The following RNF144A variants were observed in gnomAD, a reference collection of about 807,000 sequenced individuals.
RNF144A encodes the protein E3 ubiquitin-protein ligase RNF144A.
A neutral mutation model predicts 38.7 loss-of-function variants in RNF144A; 11 were observed. The ratio of observed to expected loss-of-function variants is 0.28; its 90% CI spans 0.18 to 0.47. The LOEUF is 0.47. Ranked by LOEUF, RNF144A falls within the 20% of genes least tolerant of loss-of-function variation. RNF144A has a pLI of 0.99. For missense variants in RNF144A, 316 were observed against 377.2 expected, an observed-to-expected ratio of 0.84 and a Z score of 1.34; for synonymous variants, 149 against 143.9, an observed-to-expected ratio of 1.04 and a Z score of -0.25.
chr2:6,999,242 C>T (rs1033993798), intron 3 of RNF144A, among the ~76,000 whole-genome samples: 1 of 152,224 alleles, frequency 6.6e-6, no homozygotes, highest in African/African-American at 2.4e-5. Context: ...AACAGTTCCA[C>T]CTCTGTCCGT....
chr2:7,038,777 G>C (rs990101801), intron 8 of RNF144A, among the ~76,000 whole-genome samples: 1 of 152,152 alleles, frequency 6.6e-6, no homozygotes, highest in Non-Finnish European at 1.5e-5. Flanking sequence ...ATGATGGTTA[G>C]ATGGATAGAT....
chr2:6,950,412 C>T (rs1441846871), intron 2 of RNF144A, among the ~76,000 whole-genome samples: 5 of 152,114 alleles, frequency 3.3e-5, no homozygotes, highest in Non-Finnish European at 5.9e-5. Flanking sequence ...ATGTTGGCGT[C>T]GATTTCTTCA....
At chr2:7,024,327 G>A in intron 6 of RNF144A, 42 bp from the exon 7 acceptor site, 1 of 1,541,180 alleles carries the variant, frequency 6.5e-7, no homozygotes. Context: ...GGTCTCCCGT[G>A]GGATCCGTTT....
chr2:6,991,175 C>A (rs1015666589), intron 2 of RNF144A, among the ~76,000 whole-genome samples: 19 of 152,136 alleles, frequency 1.2e-4, no homozygotes, highest in Admixed American at 5.2e-4. Context: ...CATAAGTCTT[C>A]ACATTAGCTG....
At chr2:6,952,613 A>G (rs1302884374) in intron 2 of RNF144A, among the ~76,000 whole-genome samples, 2 of 150,196 alleles carry the variant, frequency 1.3e-5, no homozygotes, top group African/African-American at 4.9e-5. Flanking sequence ...TATGTTATAT[A>G]TAAAAAAGTA....
chr2:6,985,714 A>ACC (rs1668912417), intron 2 of RNF144A, among the ~76,000 whole-genome samples: 1 of 152,152 alleles, frequency 6.6e-6, no homozygotes, highest in African/African-American at 2.4e-5. Context: ...GCTCTGTTGC[A>ACC]CAGGCTGGAG....
chr2:6,930,737 G>A (rs945602746), intron 1 of RNF144A, among the ~76,000 whole-genome samples: 1 of 152,044 alleles, frequency 6.6e-6, no homozygotes, highest in Admixed American at 6.6e-5. Flanking sequence ...GACCACAGGT[G>A]TGTGCCACCA....
rs1031525467 is a variant in RNF144A at position 6,941,858 on chromosome 2, C to T, written c.-12+711C>T. On this transcript the variant is annotated intron_variant, in intron 2 of 8. Transcript: ENST00000320892. The surrounding 1 kb of genome is among the most constrained non-coding windows in gnomAD (Gnocchi z 6.5). ...CAGCATACGGACAGCTGGAGGAGCA[C>T]CCAGGCCAGCCTGGCTGGAAGGACT... Among the ~76,000 whole-genome samples, 8 of 152,196 alleles carry T rather than the reference C, an allele frequency of 5.3e-5. No individual in the cohort carries two copies. The highest frequency in any genetic ancestry group is 1.0e-4 in the Non-Finnish European group (7 of 68,042).
chr2:6,997,138 G>A (rs887066126), intron 3 of RNF144A, 77 bp downstream of exon 3: 9 of 1,442,758 alleles, frequency 6.2e-6, no homozygotes, highest in Admixed American at 5.1e-5. Context: ...GAGACACTAG[G>A]CAAACCTTTG....
intron 6 of RNF144A, among the ~76,000 whole-genome samples, chr2:7,065,850 C>T (rs1474393022): frequency 6.6e-6 from 1 of 152,216 alleles, no homozygotes; most frequent in African/African-American, 2.4e-5. Flanking sequence ...TTTAAAAATA[C>T]AGGCTTCTGC....
chr2:7,057,302 C>T (rs1166552955), intron 6 of RNF144A, among the ~76,000 whole-genome samples: 1 of 152,176 alleles, frequency 6.6e-6, no homozygotes, highest in East Asian at 1.9e-4. Context: ...CACCTGGTAC[C>T]TCTTAGAGGC....
At chr2:6,961,092 A>G (rs1456439502) in intron 2 of RNF144A, among the ~76,000 whole-genome samples, 10 of 151,166 alleles carry the variant, frequency 6.6e-5, no homozygotes, top group Admixed American at 6.6e-4. Context: ...TTTTTTCTGT[A>G]TGGCTTTTAG....
intron 8 of RNF144A, among the ~76,000 whole-genome samples, chr2:7,033,387 C>T (rs1320798501): frequency 6.6e-6 from 1 of 152,242 alleles, no homozygotes; most frequent in African/African-American, 2.4e-5. Flanking sequence ...CGCCATCGTG[C>T]CCTGGAGCTG....
chr2:7,010,071 G>T (rs1670693606), intron 3 of RNF144A, among the ~76,000 whole-genome samples: 1 of 152,222 alleles, frequency 6.6e-6, no homozygotes, highest in African/African-American at 2.4e-5. Context: ...TCTACTAGAG[G>T]AGAAACATAA....
intron 2 of RNF144A, among the ~76,000 whole-genome samples, chr2:6,954,674 A>G (rs1336554227): frequency 4.6e-5 from 7 of 152,210 alleles, no homozygotes; most frequent in South Asian, 2.1e-4. Context: ...TAGGTTTTTC[A>G]TGACACTTAT....
chr2:6,956,312 C>T (rs1666994849), intron 2 of RNF144A, among the ~76,000 whole-genome samples: 1 of 152,070 alleles, frequency 6.6e-6, no homozygotes, highest in African/African-American at 2.4e-5. Context: ...TGAGGCTAGT[C>T]ACCTTCGTCT....
chr2:6,947,468 A>G (rs1211056563), intron 2 of RNF144A, among the ~76,000 whole-genome samples: 2 of 152,224 alleles, frequency 1.3e-5, no homozygotes, highest in African/African-American at 2.4e-5. Flanking sequence ...CAATGGTAAT[A>G]TAGGTTCAGA....
chr2:6,948,636 C>G (rs1666488552), intron 2 of RNF144A, among the ~76,000 whole-genome samples: 1 of 152,208 alleles, frequency 6.6e-6, no homozygotes. Flanking sequence ...AGGAGAGACT[C>G]TTAAGAGGTG....
rs1302811357 is a variant in RNF144A, at chr2:7,041,716, G to A, written c.*1956G>A. On this transcript the variant is annotated 3_prime_UTR_variant, in exon 9 of 9. Transcript: ENST00000320892. ...ACACATGGGAGGCCTGTGGCCCTGTGTCCAGTGGCCCACAGGACACGCCTC... is the reference window on the plus strand; with the variant it reads ...ACACATGGGAGGCCTGTGGCCCTGTATCCAGTGGCCCACAGGACACGCCTC... The A allele has an allele frequency of 4.1e-6, 4 of 985,330 alleles. No homozygotes were observed. The highest frequency in any genetic ancestry group is 4.8e-6 in the Non-Finnish European group (4 of 830,008). The allele number at this position is 985,330 out of a possible 1,614,324, so 61.0% of individuals were successfully genotyped here.
Sources: allele counts gnomAD v4.1 joint callset (sites outside exome capture counted in the v4.1 genomes callset), GRCh38; gene constraint gnomAD v4.1.1; non-coding constraint Gnocchi (gnomAD v3.1); transcripts MANE v1.5; gene names NCBI Gene and HGNC (gene_info 2026-07-23, HGNC 2026-07-21).